Variants in CEP126 observed in about 807,000 individuals in gnomAD.
CEP126 encodes centrosomal protein 126, also known as centrosomal protein of 126 kDa.
In CEP126, 74 loss-of-function variants were observed where a neutral mutation model predicts 107.8. The observed-to-expected ratio is 0.69, with a 90% CI of 0.57 to 0.83. CEP126 has a LOEUF of 0.83. Among genes scored for constraint, CEP126 ranks in the 40% least tolerant of loss-of-function variants. The pLI, the probability that CEP126 is intolerant of heterozygous loss-of-function variation, is 0.00. For synonymous variants in CEP126, 449 were observed against 446.0 expected (o/e 1.01, Z -0.08); for missense variants, 1,237 against 1,281.9 (o/e 0.96, Z 0.53).
At chr11:101,987,136 C>A (rs1336227311) in intron 9 of CEP126, 95 bp downstream of exon 9, 6 of 836,254 alleles carry the variant, frequency 7.2e-6, no homozygotes, top group African/African-American at 1.7e-5. Context: ...AAGAAAAATA[C>A]AAAATATATC....
At chr11:101,942,768 T>C (rs529497209) in intron 2 of CEP126, among the ~76,000 whole-genome samples, 6 of 152,000 alleles carry the variant, frequency 3.9e-5, no homozygotes, top group Non-Finnish European at 8.8e-5. Flanking sequence ...GGTCTTTACA[T>C]TTATTTGCAT....
chr11:101,990,554 A>G (rs894430583), intron 9 of CEP126, among the ~76,000 whole-genome samples: 3 of 152,144 alleles, frequency 2.0e-5, no homozygotes, highest in African/African-American at 7.2e-5. Flanking sequence ...CCTGCCAAAG[A>G]TAGAAGGCAA....
chr11:101,945,620 CAA>C (rs1180479068), intron 3 of CEP126, among the ~76,000 whole-genome samples: 1 of 152,140 alleles, frequency 6.6e-6, no homozygotes, highest in Non-Finnish European at 1.5e-5. Context: ...GGTAGGCAGT[CAA>C]GAGCTGGTTT....
chr11:101,928,238 A>G (rs926528415), intron 2 of CEP126, among the ~76,000 whole-genome samples: 1 of 151,936 alleles, frequency 6.6e-6, no homozygotes, highest in African/African-American at 2.4e-5. Context: ...GAGTTTTGAG[A>G]GCTCTACATA....
At chr11:101,970,073 AT>A in intron 6 of CEP126, among the ~76,000 whole-genome samples, 1 of 152,350 alleles carries the variant, frequency 6.6e-6, no homozygotes, top group Non-Finnish European at 1.5e-5. Context: ...TCAATTGTAG[AT>A]TAAAATTAGA....
At chr11:101,960,821 A>G (rs756970908) in intron 5 of CEP126, among the ~76,000 whole-genome samples, 2 of 151,996 alleles carry the variant, frequency 1.3e-5, no homozygotes, top group Non-Finnish European at 2.9e-5. Context: ...AGGGATATCA[A>G]TTTTCTTTCC....
intron 2 of CEP126, among the ~76,000 whole-genome samples, chr11:101,935,531 G>GT (rs1940564860): frequency 1.3e-5 from 2 of 152,022 alleles, no homozygotes; most frequent in Non-Finnish European, 2.9e-5. Context: ...GGGTTGAGTG[G>GT]TTTTTTCACA....
At chr11:101,932,218 A>G (rs993833460) in intron 2 of CEP126, among the ~76,000 whole-genome samples, 1 of 152,204 alleles carries the variant, frequency 6.6e-6, no homozygotes, top group Non-Finnish European at 1.5e-5. Flanking sequence ...GAGTAATGAA[A>G]GAAGTATAGT....
Position 101,998,668 on chromosome 11 carries a change from T to C in CEP126, c.*1025T>C, listed in dbSNP as rs1941472481. The C allele has an allele frequency of 6.7e-6, 1 of 148,886 alleles. No individual in the cohort carries two copies. Among genetic ancestry groups the C allele is most frequent in the African/African-American group, 2.5e-5 (1 of 40,164 alleles). The allele number at this position is 148,886 out of a possible 1,614,324, so 9.2% of individuals were successfully genotyped here. ...AAGAAAACATGTGGCCTTTTATTAA[T>C]AACACTACTAAATTTTGGTTCCTCC... On this transcript the variant is annotated 3_prime_UTR_variant, in exon 11 of 11. Transcript: ENST00000263468.
chr11:101,985,231 T>C (rs1459765172), intron 8 of CEP126, among the ~76,000 whole-genome samples: 1 of 152,110 alleles, frequency 6.6e-6, no homozygotes, highest in Non-Finnish European at 1.5e-5. Flanking sequence ...TAAAATATTA[T>C]ATAAAATTAC....
chr11:101,926,371 G>A (rs545613006), intron 2 of CEP126, among the ~76,000 whole-genome samples: 2 of 152,366 alleles, frequency 1.3e-5, no homozygotes, highest in South Asian at 4.1e-4. Context: ...GACAAAAGTT[G>A]TATGTGGCTG....
At chr11:101,920,359 G>T (rs1940304106) in intron 1 of CEP126, among the ~76,000 whole-genome samples, 1 of 152,064 alleles carries the variant, frequency 6.6e-6, no homozygotes, top group African/African-American at 2.4e-5. Context: ...GTTTATTATT[G>T]AGTGTATTTC....
chr11:101,942,796 A>G (rs1940684383), intron 2 of CEP126, among the ~76,000 whole-genome samples: 1 of 151,868 alleles, frequency 6.6e-6, no homozygotes, highest in African/African-American at 2.4e-5. Flanking sequence ...AAATTCTTTC[A>G]GTGATGTTTT....
chr11:101,932,684 C>T (rs923476218), intron 2 of CEP126, among the ~76,000 whole-genome samples: 10 of 151,966 alleles, frequency 6.6e-5, no homozygotes, highest in Non-Finnish European at 8.8e-5. Context: ...TTTGCCCCTG[C>T]GTATTTGGAG....
At position 101,963,689 on chromosome 11, in the gene CEP126, C is replaced by T. The variant is rs749673902; in HGVS notation, c.2654C>T (p.Thr885Ile). 1.9e-6 allele frequency: 3 copies of T among 1,614,104 alleles called. No homozygotes were observed. In the Admixed American group the frequency reaches 5.0e-5, roughly 27 times the overall value. ...TCATATTGTTCTTCAGAGTGCCAAACTTTCGCAAAAATAAATCATTCAAAT... is the reference window on the plus strand; with the variant it reads ...TCATATTGTTCTTCAGAGTGCCAAATTTTCGCAAAAATAAATCATTCAAAT... ...LPSYCSSECQ[T>I]FAKINHSNGT... The change falls in exon 6 of 11, where the codon ACT becomes ATT. Residue 885 changes from threonine to isoleucine, a missense_variant. Transcript: ENST00000263468.
chr11:101,967,025 C>CTTTTTTTTT (rs759877416), intron 6 of CEP126, among the ~76,000 whole-genome samples: 33 of 107,056 alleles, frequency 3.1e-4, no homozygotes, highest in African/African-American at 5.5e-4. Context: ...CTCTTTCTTT[C>CTTTTTTTTT]TTTTTTTTTT....
chr11:101,984,924 T>C (rs991133243), intron 8 of CEP126, among the ~76,000 whole-genome samples: 3 of 152,250 alleles, frequency 2.0e-5, no homozygotes, highest in Non-Finnish European at 2.9e-5. Context: ...CATTGTTCCT[T>C]GTTGCTGTTG....
At chr11:101,930,711 A>G (rs1285169945) in intron 2 of CEP126, among the ~76,000 whole-genome samples, 1 of 152,182 alleles carries the variant, frequency 6.6e-6, no homozygotes, top group East Asian at 1.9e-4. Context: ...GGTCCATTTT[A>G]CAGAATGCTG....
At position 101,961,259 on chromosome 11, in the gene CEP126, C is replaced by T. The variant is rs562206675; in HGVS notation, c.706-482C>T. Among the ~76,000 whole-genome samples, 11 of 152,050 alleles carry T rather than the reference C, an allele frequency of 7.2e-5. No homozygotes were observed. In the South Asian group the frequency reaches 2.1e-3, roughly 29 times the overall value. ...CAGAGTTAACAGCCTTACTACAGTC[C>T]ACAAAATTAAGTTTTATAAAAAGAT... On this transcript the variant is annotated intron_variant, in intron 5 of 10. Coordinates refer to ENST00000263468, the MANE Select transcript of CEP126 (RefSeq NM_020802.4).
Sources: allele counts gnomAD v4.1 joint callset (sites outside exome capture counted in the v4.1 genomes callset), GRCh38; gene constraint gnomAD v4.1.1; transcripts MANE v1.5; gene names NCBI Gene and HGNC (gene_info 2026-07-23, HGNC 2026-07-21).